Variants in SPPL2B observed in about 807,000 individuals in gnomAD.
The protein encoded by SPPL2B is signal peptide peptidase-like 2B.
Under a neutral mutation model 59.7 loss-of-function variants are expected in SPPL2B, and 39 were observed. The observed-to-expected ratio is 0.65, with a 90% CI of 0.51 to 0.85. The LOEUF (loss-of-function observed/expected upper bound fraction) is 0.85, where lower values mean the gene tolerates loss of function less well. SPPL2B is among the 40% of genes least tolerant of loss of function. The pLI is 0.00. For missense variants in SPPL2B, 865 were observed against 849.0 expected (o/e 1.02, Z -0.23); for synonymous variants, 419 against 370.8 (o/e 1.13, Z -1.49).
rs373088449 is a variant in SPPL2B at position 2,340,110 on chromosome 19, C to T, written c.777C>T (p.Ser259=). Residue 259 remains serine (S), a synonymous_variant, in exon 7 of 15, where the codon TCC becomes TCT. Coordinates refer to ENST00000613503, the MANE Select transcript of SPPL2B (RefSeq NM_152988.3). ...YVVIGIFCLA[S]ATGLYSCLAP... ...TCATCGGGATCTTCTGCCTGGCCTC[C>T]GCCACCGGCCTCTACAGCTGCCTGG... 4.5e-5 allele frequency: 71 copies of T among 1,594,198 alleles called. No homozygotes were observed. The highest frequency in any genetic ancestry group is 5.6e-5 in the Non-Finnish European group (66 of 1,175,962).
intron 8 of SPPL2B, chr19:2,342,105 G>GACGCTGAGGA (rs1453094693): frequency 6.5e-6 from 1 of 154,786 alleles, no homozygotes; most frequent in African/African-American, 2.4e-5. Context: ...TGATGTTTGA[G>GACGCTGAGGA]ACGCTGAGGA....
intron 1 of SPPL2B, 142 bp downstream of exon 1, chr19:2,328,917 G>A (rs995567700): frequency 6.2e-5 from 44 of 712,254 alleles, no homozygotes; most frequent in Admixed American, 1.3e-4. Flanking sequence ...GTTGTCGGCC[G>A]GCGGTGCCGG....
Position 2,339,186 on chromosome 19 carries a change from G to T in SPPL2B, c.577G>T (p.Ala193Ser), listed in dbSNP as rs958475682. The stretch of plus-strand genomic sequence containing the variant: ...CACCGTCGCCATCGGCGGCTACTGG[G>T]CCGGGAGTCGGGACGTGAAGAAGTG... ...VGTVAIGGYW[A>S]GSRDVKKRYM... Residue 193 changes from alanine to serine, a missense_variant, in exon 5 of 15, where the codon GCC becomes TCC. Ala to Ser is a moderately conservative substitution (Grantham distance 99, BLOSUM62 1). Transcript: ENST00000613503. The T allele has an allele frequency of 6.2e-7, 1 of 1,603,706 alleles. No individual in the cohort carries two copies. The highest frequency in any genetic ancestry group is 8.5e-7 in the Non-Finnish European group (1 of 1,175,534).
chr19:2,354,958 C>T lies in SPPL2B; in HGVS notation c.*1749C>T, dbSNP rs1258007485. 6.6e-6 allele frequency among the ~76,000 whole-genome samples: 1 copy of T among 152,242 alleles called. No individual in the cohort carries two copies. The highest frequency in any genetic ancestry group is 1.5e-5 in the Non-Finnish European group (1 of 68,044). ...GGGCCGGCCAGTGCTGTGAGGTGCCCAGCGTCACTCCCATGGGCTCTGTGG... is the reference window on the plus strand; with the variant it reads ...GGGCCGGCCAGTGCTGTGAGGTGCCTAGCGTCACTCCCATGGGCTCTGTGG... On this transcript the variant is annotated 3_prime_UTR_variant, in exon 15 of 15. Coordinates refer to ENST00000613503, the MANE Select transcript of SPPL2B (RefSeq NM_152988.3).
Position 2,343,845 on chromosome 19 carries a change from C to T in SPPL2B, c.1039-120C>T, listed in dbSNP as rs371509304. 6.3e-4 allele frequency: 449 copies of T among 709,080 alleles called. 7 individuals carry two copies. The South Asian group carries it at 6.8e-3, about 11-fold the overall frequency. 43.9% of individuals were successfully genotyped at this position (709,080 alleles called of 1,614,324 possible). On this transcript the variant is annotated intron_variant, in intron 9 of 14. Coordinates refer to ENST00000613503, the MANE Select transcript of SPPL2B (RefSeq NM_152988.3). ...TGCGTGGTGCGTCCCTGGCACTGGG[C>T]ACGCTCTGCTCAGGTTCCTTTAAAG...
chr19:2,340,061 G>C lies in SPPL2B; in HGVS notation c.743-15G>C, dbSNP rs755226260. The C allele has an allele frequency of 1.1e-5, 18 of 1,584,656 alleles. No homozygotes were observed. The highest frequency in any genetic ancestry group is 1.5e-5 in the Non-Finnish European group (17 of 1,169,388). On this transcript the variant is annotated splice_polypyrimidine_tract_variant and intron_variant, in intron 6 of 14. Transcript: ENST00000613503. ...TGCGGGCCTGGCCCCCGGCCTCACG[G>C]CCCTGCCCCTGCAGTGTACGTGGTC...
Position 2,334,646 on chromosome 19 carries a change from G to C in SPPL2B, c.111G>C (p.Gly37=), listed in dbSNP as rs1291293592. The change falls in exon 2 of 15, where the codon GGG becomes GGC. Residue 37 remains glycine (G), a synonymous_variant. Transcript: ENST00000613503. ...TGGTGCACGTGGTCTCCCAGGCCGG[G>C]GGCCCCGAAGGCAAAGACTACTGCA... ...YGMVHVVSQA[G]GPEGKDYCIL... The C allele has an allele frequency of 6.2e-7, 1 of 1,613,126 alleles. No individual in the cohort carries two copies. Among genetic ancestry groups the C allele is most frequent in the Non-Finnish European group, 8.5e-7 (1 of 1,179,558 alleles).
chr19:2,338,499 G>A (rs1473172773), intron 3 of SPPL2B: 4 of 458,052 alleles, frequency 8.7e-6, no homozygotes, highest in Non-Finnish European at 1.6e-5. Flanking sequence ...ACGGCCGAGG[G>A]AGGGATTAGT....
intron 10 of SPPL2B, 90 bp downstream of exon 10, chr19:2,344,129 C>T: frequency 4.6e-6 from 3 of 646,856 alleles, no homozygotes; most frequent in East Asian, 4.0e-5. Context: ...CATCACCCCG[C>T]CCCCTCGTCC....
chr19:2,344,480 G>C, intron 11 of SPPL2B, 56 bp downstream of exon 11: 1 of 1,568,884 alleles, frequency 6.4e-7, no homozygotes, highest in Non-Finnish European at 8.7e-7. Flanking sequence ...GTTGCGCGGA[G>C]CGGATAGGGC....
rs551706393 is a variant in SPPL2B, at chr19:2,336,681, C to A, written c.187-762C>A. Among the ~76,000 whole-genome samples the A allele has an allele frequency of 6.2e-5, 9 of 144,920 alleles. 1 individual carries two copies. In the South Asian group the frequency reaches 1.8e-3, roughly 29 times the overall value. ...CATGTGTGTAATAGGCATGTGTCTG[C>A]TTGAGTGTGAGTGTGCATGTGTGTG... On this transcript the variant is annotated intron_variant, in intron 2 of 14. Transcript: ENST00000613503.
chr19:2,351,530 C>T lies in SPPL2B; in HGVS notation c.1451C>T (p.Thr484Met), dbSNP rs747976888. 23 of 1,611,224 alleles carry T rather than the reference C, an allele frequency of 1.4e-5. No homozygotes were observed. Among genetic ancestry groups the T allele is most frequent in the Non-Finnish European group, 1.9e-5 (22 of 1,179,568 alleles). ...LLYLVPCTLV[T>M]SCAVALWRRE... ...TACCTGGTGCCCTGCACGCTGGTGA[C>T]GAGCTGCGCTGTGGCGCTCTGGCGC... Residue 484 changes from threonine (T) to methionine (M), a missense_variant, in exon 14 of 15, where the codon ACG becomes ATG. By Grantham distance (81) the Thr-to-Met change is moderately conservative. Coordinates refer to ENST00000613503, the MANE Select transcript of SPPL2B (RefSeq NM_152988.3).
At position 2,338,893 on chromosome 19, in the gene SPPL2B, C is replaced by T. The variant is rs1200750941; in HGVS notation, c.459+52C>T. ...GCTCCCGAGGAGATGGGGCAGGGGG[C>T]TTCGGGCTGGCTGCCGGGGGGGTTT... is the stretch of plus-strand genomic sequence containing the variant. On this transcript the variant is annotated intron_variant, in intron 4 of 14. Coordinates refer to ENST00000613503, the MANE Select transcript of SPPL2B (RefSeq NM_152988.3). The T allele has an allele frequency of 3.8e-6, 6 of 1,575,454 alleles. No homozygotes were observed. The Admixed American group carries it at 8.6e-5, about 23-fold the overall frequency.
At chr19:2,344,179 G>GC in intron 10 of SPPL2B, 140 bp downstream of exon 10, 4 of 367,750 alleles carry the variant, frequency 1.1e-5, no homozygotes, top group East Asian at 5.4e-5. Flanking sequence ...GTGCTCCCCT[G>GC]CCCCCCACCC....
At chr19:2,340,217 G>C (rs1435850499) in intron 7 of SPPL2B, 45 bp downstream of exon 7, 1 of 1,424,606 alleles carries the variant, frequency 7.0e-7, no homozygotes, top group Admixed American at 2.3e-5. Context: ...TCTGTGCGGT[G>C]ATGGCCACGG....
chr19:2,352,350 G>A (rs1200217489), intron 14 of SPPL2B, among the ~76,000 whole-genome samples: 1 of 152,224 alleles, frequency 6.6e-6, no homozygotes, highest in Non-Finnish European at 1.5e-5. Context: ...TTGGGCATGG[G>A]TGCAGCTCCT....
chr19:2,345,199 C>T (rs1969295914), intron 12 of SPPL2B, 54 bp from the exon 13 acceptor site: 1 of 1,536,448 alleles, frequency 6.5e-7, no homozygotes, highest in Non-Finnish European at 9.0e-7. Flanking sequence ...CCAGGAAGCC[C>T]CTGCTCTGAG....
intron 13 of SPPL2B, among the ~76,000 whole-genome samples, chr19:2,346,235 A>G (rs984920849): frequency 6.6e-6 from 1 of 152,208 alleles, no homozygotes; most frequent in Admixed American, 6.5e-5. Flanking sequence ...CCTGCCCTCC[A>G]CGTGGCTCCC....
At chr19:2,341,106 GCCGCCCCAGCCTGGA>G in intron 8 of SPPL2B, 92 bp downstream of exon 8, 1 of 856,220 alleles carries the variant, frequency 1.2e-6, no homozygotes, top group Non-Finnish European at 1.9e-6. Flanking sequence ...CTCCCTGGAG[GCCGCCCCAGCCTGGA>G]GCTGCTTCAG....
Sources: gnomAD v4.1 joint callset for allele counts (sites outside exome capture counted in the v4.1 genomes callset) on GRCh38, gnomAD v4.1.1 for gene constraint, MANE v1.5 for transcripts, NCBI Gene and HGNC (gene_info 2026-07-23, HGNC 2026-07-21) for gene names.